The following KIAA1755 variants were observed in gnomAD, a reference collection of about 807,000 sequenced individuals.
The protein encoded by KIAA1755 is uncharacterized protein KIAA1755.
In KIAA1755, 68 loss-of-function variants were observed where a neutral mutation model predicts 91.7. That is an observed-to-expected ratio of 0.74 (90% CI 0.61 to 0.91). KIAA1755 has a LOEUF of 0.91. KIAA1755 is among the 40% of genes least tolerant of loss of function. KIAA1755 has a pLI of 0.00. For missense variants in KIAA1755, 1,535 were observed against 1,494.4 expected (o/e 1.03, Z -0.45); for synonymous variants, 610 against 604.6 (o/e 1.01, Z -0.13).
intron 10 of KIAA1755, among the ~76,000 whole-genome samples, chr20:38,221,440 T>C (rs554012785): frequency 6.6e-6 from 1 of 152,182 alleles, no homozygotes; most frequent in East Asian, 1.9e-4. Context: ...TGCCCGTGCG[T>C]CCATCTGTGT....
chr20:38,240,733 G>C lies in KIAA1755; in HGVS notation c.1398C>G (p.Pro466=), dbSNP rs2076043411. Residue 466 remains proline, a synonymous_variant, in exon 3 of 14, where the codon CCC becomes CCG. Coordinates refer to ENST00000279024, the MANE Select transcript of KIAA1755 (RefSeq NM_001029864.2). ...CPSRNTSSPE[P]PTPGLKFSFL... The stretch of plus-strand genomic sequence containing the variant: ...ATGAGAATTTGAGCCCAGGAGTGGG[G>C]GGCTCAGGGGAGGAGGTGTTTCTGC... 2 of 1,572,204 alleles carry C rather than the reference G, an allele frequency of 1.3e-6. No homozygotes were observed. Among genetic ancestry groups the C allele is most frequent in the Admixed American group, 1.8e-5 (1 of 54,332 alleles).
chr20:38,252,417 C>T (rs1476888456), intron 1 of KIAA1755, among the ~76,000 whole-genome samples: 1 of 152,140 alleles, frequency 6.6e-6, no homozygotes, highest in Non-Finnish European at 1.5e-5. Context: ...TCTTGCTTAG[C>T]CCACACAACG....
At position 38,240,744 on chromosome 20, in the gene KIAA1755, A is replaced by G. The variant is rs771805762; in HGVS notation, c.1387T>C (p.Ser463Pro). 7 of 1,579,612 alleles carry G rather than the reference A, an allele frequency of 4.4e-6. No homozygotes were observed. The highest frequency in any genetic ancestry group is 6.0e-6 in the Non-Finnish European group (7 of 1,162,378). Residue 463 changes from serine to proline, a missense_variant, in exon 3 of 14, where the codon TCC (serine) becomes CCC (proline). Transcript: ENST00000279024. ...PMPCPSRNTS[S>P]PEPPTPGLKF... is the part of the protein sequence containing the mutation. ...AGCCCAGGAGTGGGGGGCTCAGGGGAGGAGGTGTTTCTGCTAGGGCAGGGC... is the reference window on the plus strand; with the variant it reads ...AGCCCAGGAGTGGGGGGCTCAGGGGGGGAGGTGTTTCTGCTAGGGCAGGGC...
At position 38,241,720 on chromosome 20, in the gene KIAA1755, T is replaced by A. The variant is rs1205435; in HGVS notation, c.411A>T (p.Pro137=). Residue 137 remains proline (P), a synonymous_variant, in exon 3 of 14, where the codon CCA becomes CCT. Coordinates refer to ENST00000279024, the MANE Select transcript of KIAA1755 (RefSeq NM_001029864.2). ...DLCTVDKKPV[P]EPAYPILFTQ... The stretch of plus-strand genomic sequence containing the variant: ...TGAAAAGTATAGGGTAGGCTGGCTC[T>A]GGAACAGGCTTCTTGTCCACTGTGC... The A allele has an allele frequency of 0.035, 56,164 of 1,614,048 alleles. 1,629 individuals are homozygous for A. The highest frequency in any genetic ancestry group is 0.14 in the African/African-American group (10,397 of 75,006).
intron 2 of KIAA1755, among the ~76,000 whole-genome samples, chr20:38,243,099 G>A (rs1187407993): frequency 1.3e-5 from 2 of 152,180 alleles, no homozygotes; most frequent in East Asian, 1.9e-4. Context: ...GCTGACAACA[G>A]GTCTTTAACT....
intron 1 of KIAA1755, among the ~76,000 whole-genome samples, chr20:38,251,466 C>A (rs2076247819): frequency 6.6e-6 from 1 of 151,994 alleles, no homozygotes; most frequent in South Asian, 2.1e-4. Context: ...ACATAGAAAA[C>A]TACCTGCTCA....
Position 38,241,585 on chromosome 20 carries a change from G to A in KIAA1755, c.546C>T (p.Thr182=), listed in dbSNP as rs377651743. 14 of 1,614,102 alleles carry A rather than the reference G, an allele frequency of 8.7e-6. No individual in the cohort carries two copies. The highest frequency in any genetic ancestry group is 1.3e-5 in the African/African-American group (1 of 74,924). ...GIAPVPWTKI[T]SPEFVDDRPQ... ...GTCTGTCATCCACAAACTCTGGGCT[G>A]GTTATCTTGGTCCAAGGCACAGGGG... Residue 182 remains threonine, a synonymous_variant, in exon 3 of 14, where the codon ACC becomes ACT. Coordinates refer to ENST00000279024, the MANE Select transcript of KIAA1755 (RefSeq NM_001029864.2).
intron 4 of KIAA1755, among the ~76,000 whole-genome samples, chr20:38,234,610 CT>C (rs376282699): frequency 1.4e-4 from 22 of 152,340 alleles, no homozygotes; most frequent in African/African-American, 5.1e-4. Context: ...GATTCTGCCT[CT>C]CCCCCTAGCT....
At chr20:38,227,780 C>T (rs2075786618) in intron 6 of KIAA1755, among the ~76,000 whole-genome samples, 1 of 152,226 alleles carries the variant, frequency 6.6e-6, no homozygotes, top group East Asian at 1.9e-4. Context: ...AAATTAGAGA[C>T]CATGTGAAGT....
rs201191475 is a variant in KIAA1755 at position 38,225,685 on chromosome 20, C to T, written c.2149G>A (p.Glu717Lys). The part of the protein sequence containing the change: ...LEGPFPYCHT[E>K]WVHFFQKLDP... Reference sequence around the variant, plus strand: ...AACACCTGGAAGAAATGAACCCACTCGGTGTGGCAGTAGGGGAAGGGGCCT... The same window carrying T: ...AACACCTGGAAGAAATGAACCCACTTGGTGTGGCAGTAGGGGAAGGGGCCT... The change falls in exon 8 of 14, where the codon GAG (glutamate) becomes AAG (lysine). Residue 717 changes from glutamate (E) to lysine (K), a missense_variant. By Grantham distance (56) the Glu-to-Lys change is moderately conservative. Transcript: ENST00000279024. 5.6e-5 allele frequency: 91 copies of T among 1,612,242 alleles called. No homozygotes were observed. Among genetic ancestry groups the T allele is most frequent in the Non-Finnish European group, 6.9e-5 (81 of 1,178,606 alleles).
rs1466026698 is a variant in KIAA1755, at chr20:38,246,134, G to T, written c.4-8C>A. 1.2e-6 allele frequency: 2 copies of T among 1,610,470 alleles called. No individual in the cohort carries two copies. Among genetic ancestry groups the T allele is most frequent in the East Asian group, 4.5e-5 (2 of 44,804 alleles). On this transcript the variant is annotated splice_polypyrimidine_tract_variant and splice_region_variant and intron_variant, in intron 1 of 13. Transcript: ENST00000279024. The stretch of plus-strand genomic sequence containing the variant: ...GTCGAGGGATGGAGGGTCCTGTGGG[G>T]GACAGGAGGAGGGGGTGATAATAGC...
At chr20:38,260,338 C>T (rs1481080456) in intron 1 of KIAA1755, 160 bp downstream of exon 1, 12 of 1,565,562 alleles carry the variant, frequency 7.7e-6, no homozygotes, top group Non-Finnish European at 1.0e-5. Flanking sequence ...CCCTTGAACC[C>T]CTGCTGGGGT....
intron 4 of KIAA1755, among the ~76,000 whole-genome samples, chr20:38,237,984 A>G (rs761229982): frequency 6.6e-6 from 1 of 152,160 alleles, no homozygotes; most frequent in Admixed American, 6.5e-5. Context: ...CTAACAGTGC[A>G]TGTTGCAACC....
intron 11 of KIAA1755, among the ~76,000 whole-genome samples, chr20:38,219,203 G>A (rs566594657): frequency 3.2e-4 from 49 of 152,164 alleles, no homozygotes; most frequent in African/African-American, 9.9e-4. Flanking sequence ...TCTCGGCACC[G>A]GCAGTCAGAT....
rs747536511 is a variant in KIAA1755 at position 38,217,289 on chromosome 20, G to A, written c.2865C>T (p.Leu955=). ...YMAAERQRTD[L]ETLLHLHRFC... ...AGCGGTGCAGGTGGAGCAGCGTCTC[G>A]AGGTCCGTGCGTTGCCGCTCGGCCG... Residue 955 remains leucine (L), a synonymous_variant, in exon 13 of 14, where the codon CTC becomes CTT. Transcript: ENST00000279024. 2.9e-5 allele frequency: 46 copies of A among 1,606,848 alleles called. No homozygotes were observed. The highest frequency in any genetic ancestry group is 5.1e-5 in the Admixed American group (3 of 58,880).
In KIAA1755 at chr20:38,228,203, C is replaced by T; in HGVS notation, c.1909G>A (p.Asp637Asn). 6.2e-7 allele frequency: 1 copy of T among 1,604,710 alleles called. No individual in the cohort carries two copies. The highest frequency in any genetic ancestry group is 8.5e-7 in the Non-Finnish European group (1 of 1,176,162). ...GGCTGTGGGGGCTGTCTCCTGGCGTCAATCAGGACCGCCAGCCCCTTGGCT... is the reference window on the plus strand; with the variant it reads ...GGCTGTGGGGGCTGTCTCCTGGCGTTAATCAGGACCGCCAGCCCCTTGGCT... ...DKAKGLAVLI[D>N]ARRQPPQPGL... is the part of the protein sequence containing the mutation. Residue 637 changes from aspartate (D) to asparagine (N), a missense_variant, in exon 6 of 14, where the codon GAC becomes AAC. Physicochemically the swap from Asp to Asn is conservative, Grantham distance 23. Coordinates refer to ENST00000279024, the MANE Select transcript of KIAA1755 (RefSeq NM_001029864.2).
intron 4 of KIAA1755, among the ~76,000 whole-genome samples, chr20:38,235,566 G>A (rs988118880): frequency 6.6e-6 from 1 of 152,148 alleles, no homozygotes; most frequent in South Asian, 2.1e-4. Context: ...CTTTGAGGAT[G>A]GAGGAAGGGG....
At chr20:38,217,053 T>G (rs895216413) in intron 13 of KIAA1755, 200 bp downstream of exon 13, 1 of 640,636 alleles carries the variant, frequency 1.6e-6, no homozygotes, top group African/African-American at 1.8e-5. Flanking sequence ...TGGGTATCCC[T>G]GTCCCTGCTG....
intron 1 of KIAA1755, among the ~76,000 whole-genome samples, chr20:38,256,445 T>C (rs1284962985): frequency 6.6e-6 from 1 of 152,270 alleles, no homozygotes; most frequent in African/African-American, 2.4e-5. Flanking sequence ...GTTATTGGCT[T>C]ACTCTTTTTT....
Sources: gnomAD v4.1 joint callset for allele counts (sites outside exome capture counted in the v4.1 genomes callset) on GRCh38, gnomAD v4.1.1 for gene constraint, MANE v1.5 for transcripts, NCBI Gene and HGNC (gene_info 2026-07-23, HGNC 2026-07-21) for gene names.